Variants in VEPH1 observed in about 807,000 individuals in gnomAD.
The protein encoded by VEPH1 is ventricular zone expressed PH domain containing 1.
VEPH1 carries 80 observed loss-of-function variants against 85.2 expected under a neutral mutation model. That is an observed-to-expected ratio of 0.94 (90% CI 0.78 to 1.13). The LOEUF is 1.13. Among genes scored for constraint, VEPH1 ranks in the 50% most tolerant of loss-of-function variants. The pLI, the probability that VEPH1 is intolerant of heterozygous loss-of-function variation, is 0.00. For synonymous variants in VEPH1, 297 were observed against 348.0 expected (o/e 0.85, Z 1.63); for missense variants, 955 against 980.5 (o/e 0.97, Z 0.35).
At chr3:157,419,932 T>A (rs1216657895) in intron 5 of VEPH1, among the ~76,000 whole-genome samples, 1 of 152,044 alleles carries the variant, frequency 6.6e-6, no homozygotes, top group Non-Finnish European at 1.5e-5. Flanking sequence ...CAAATACCCA[T>A]CAATGATAGA....
At chr3:157,390,464 TTGG>T (rs2108914167) in intron 6 of VEPH1, among the ~76,000 whole-genome samples, 1 of 152,342 alleles carries the variant, frequency 6.6e-6, no homozygotes, top group Non-Finnish European at 1.5e-5. Flanking sequence ...TGTTTTATTT[TTGG>T]AGTTGGTTAT....
intron 9 of VEPH1, among the ~76,000 whole-genome samples, chr3:157,338,236 C>A (rs984094373): frequency 1.3e-5 from 2 of 152,168 alleles, no homozygotes; most frequent in African/African-American, 4.8e-5. Context: ...ATGCTTCCCT[C>A]ATTTAATCCT....
intron 11 of VEPH1, among the ~76,000 whole-genome samples, chr3:157,292,895 A>G (rs751240887): frequency 8.0e-5 from 12 of 150,816 alleles, no homozygotes; most frequent in Non-Finnish European, 1.5e-4. Flanking sequence ...AGGCAGGAGA[A>G]TCGCTTGAGC....
intron 4 of VEPH1, among the ~76,000 whole-genome samples, chr3:157,446,755 G>A (rs1577680255): frequency 6.6e-6 from 1 of 152,274 alleles, no homozygotes; most frequent in East Asian, 1.9e-4. Context: ...TGGATTCAGT[G>A]AACATGAACA....
chr3:157,454,327 C>G (rs1049089453), intron 4 of VEPH1, among the ~76,000 whole-genome samples: 9 of 152,022 alleles, frequency 5.9e-5, no homozygotes, highest in Non-Finnish European at 1.3e-4. Context: ...TAGAGGGAAG[C>G]ACAGGTTGAG....
chr3:157,472,216 A>G (rs1216111373), intron 2 of VEPH1, among the ~76,000 whole-genome samples: 1 of 152,144 alleles, frequency 6.6e-6, no homozygotes, highest in Non-Finnish European at 1.5e-5. Context: ...AATCATCTCT[A>G]CTTTTTTCCA....
At chr3:157,362,454 TCA>T (rs972767817) in intron 9 of VEPH1, among the ~76,000 whole-genome samples, 2 of 152,208 alleles carry the variant, frequency 1.3e-5, no homozygotes, top group African/African-American at 4.8e-5. Flanking sequence ...GCTCAACCTC[TCA>T]CTGGCTTCTT....
At position 157,429,448 on chromosome 3, in the gene VEPH1, G is replaced by A. The variant is rs1057351263; in HGVS notation, c.530-960C>T. 2.6e-5 allele frequency among the ~76,000 whole-genome samples: 4 copies of A among 152,222 alleles called. No individual in the cohort carries two copies. The South Asian group carries it at 6.2e-4, about 24-fold the overall frequency. On this transcript the variant is annotated intron_variant, in intron 4 of 13. Transcript: ENST00000362010. ...TATGATCATTAAAGAAAGAAGGCCA[G>A]AATTTTCAGAATATCAATATCTAAA... is the stretch of plus-strand genomic sequence containing the variant.
At chr3:157,391,043 A>G (rs1293362468) in intron 6 of VEPH1, among the ~76,000 whole-genome samples, 1 of 152,234 alleles carries the variant, frequency 6.6e-6, no homozygotes, top group Admixed American at 6.5e-5. Flanking sequence ...GCTGCCTGCC[A>G]CAGCAGCTGG....
At position 157,414,046 on chromosome 3, in the gene VEPH1, A is replaced by T. The variant is rs774479665; in HGVS notation, c.741T>A (p.Asp247Glu). 43 of 1,613,280 alleles carry T rather than the reference A, an allele frequency of 2.7e-5. No homozygotes were observed. Among genetic ancestry groups the T allele is most frequent in the East Asian group, 1.8e-4 (8 of 44,848 alleles). The change falls in exon 6 of 14, where the codon GAT (aspartate) becomes GAA (glutamate). Residue 247 changes from aspartate (D) to glutamate (E), a missense_variant. Physicochemically the swap from Asp to Glu is conservative, Grantham distance 45. Transcript: ENST00000362010. ...CIPFLIGHLK[D>E]STHNDIILNI... ...TTAGGATGATGTCATTATGGGTTGA[A>T]TCCTTCAAATGCCCAATTAGGAAAG...
intron 12 of VEPH1, among the ~76,000 whole-genome samples, chr3:157,275,197 A>G (rs1434921550): frequency 6.6e-6 from 1 of 152,190 alleles, no homozygotes; most frequent in African/African-American, 2.4e-5. Context: ...CATGAGTTTA[A>G]TTTGTGATAT....
At chr3:157,343,748 C>G (rs1723871755) in intron 9 of VEPH1, among the ~76,000 whole-genome samples, 1 of 152,186 alleles carries the variant, frequency 6.6e-6, no homozygotes, top group Non-Finnish European at 1.5e-5. Flanking sequence ...AGACCAATAT[C>G]CCTGATGAAC....
At chr3:157,401,554 T>C (rs1198814804) in intron 6 of VEPH1, among the ~76,000 whole-genome samples, 1 of 152,288 alleles carries the variant, frequency 6.6e-6, no homozygotes, top group East Asian at 1.9e-4. Context: ...GATTTGGGTA[T>C]ATTTCATTAC....
At chr3:157,263,964 A>G (rs112776623) in intron 13 of VEPH1, among the ~76,000 whole-genome samples, 7 of 152,152 alleles carry the variant, frequency 4.6e-5, no homozygotes, top group African/African-American at 1.4e-4. Context: ...TGACTGGGCT[A>G]ATGGGTACCC....
intron 9 of VEPH1, among the ~76,000 whole-genome samples, chr3:157,361,741 T>C (rs1401218322): frequency 2.0e-5 from 3 of 152,228 alleles, no homozygotes; most frequent in African/African-American, 7.2e-5. Context: ...CCTAGCACTA[T>C]GGCATTTTAG....
At chr3:157,424,066 C>T (rs926031267) in intron 5 of VEPH1, among the ~76,000 whole-genome samples, 2 of 152,172 alleles carry the variant, frequency 1.3e-5, no homozygotes, top group African/African-American at 4.8e-5. Context: ...TTGAATTGTA[C>T]TCCCATAATT....
chr3:157,277,656 A>G lies in VEPH1; in HGVS notation c.2128+8901T>C, dbSNP rs77478065. ...AAGCCTTAGCAGTTACATAAACACCATCACATGCTGTATGTTATATATGAA... is the reference window on the plus strand; with the variant it reads ...AAGCCTTAGCAGTTACATAAACACCGTCACATGCTGTATGTTATATATGAA... On this transcript the variant is annotated intron_variant, in intron 12 of 13. Coordinates refer to ENST00000362010, the MANE Select transcript of VEPH1 (RefSeq NM_001167912.2). Among the ~76,000 whole-genome samples, 492 of 152,338 alleles carry G rather than the reference A, an allele frequency of 3.2e-3. 1 individual carries two copies. Among genetic ancestry groups the G allele is most frequent in the African/African-American group, 0.011 (457 of 41,580 alleles).
At chr3:157,469,937 C>A (rs1476172967) in intron 3 of VEPH1, among the ~76,000 whole-genome samples, 1 of 152,102 alleles carries the variant, frequency 6.6e-6, no homozygotes, top group Non-Finnish European at 1.5e-5. Context: ...GCGCACTGCC[C>A]CTCAGTTCAT....
At chr3:157,326,943 A>G (rs1481945264) in intron 9 of VEPH1, among the ~76,000 whole-genome samples, 2 of 152,204 alleles carry the variant, frequency 1.3e-5, no homozygotes, top group Admixed American at 1.3e-4. Context: ...AGTAGAGTGG[A>G]GCCAGTAGTA....
Sources: allele counts gnomAD v4.1 joint callset (sites outside exome capture counted in the v4.1 genomes callset), GRCh38; gene constraint gnomAD v4.1.1; transcripts MANE v1.5; gene names NCBI Gene and HGNC (gene_info 2026-07-23, HGNC 2026-07-21).